The following UCHL5 variants were observed in gnomAD, a reference collection of about 807,000 sequenced individuals.
UCHL5 encodes the protein ubiquitin carboxyl-terminal hydrolase isozyme L5.
A neutral mutation model predicts 53.8 loss-of-function variants in UCHL5; 34 were observed. The observed-to-expected ratio is 0.63, with a 90% confidence interval of 0.48 to 0.84. The LOEUF (loss-of-function observed/expected upper bound fraction) is 0.84. Ranked by LOEUF, UCHL5 falls within the 40% of genes least tolerant of loss-of-function variation. The pLI is 0.00. For synonymous variants in UCHL5, 111 were observed against 126.3 expected (o/e 0.88, Z 0.81); for missense variants, 290 against 385.6 (o/e 0.75, Z 2.08).
intron 1 of UCHL5, among the ~76,000 whole-genome samples, chr1:193,055,780 A>C (rs1486331967): frequency 6.6e-6 from 1 of 152,230 alleles, no homozygotes; most frequent in African/African-American, 2.4e-5. Context: ...TACTAAATTC[A>C]ATTTGGTAAA....
At chr1:193,028,169 A>G in intron 6 of UCHL5, 21 bp from the exon 7 acceptor site, 1 of 1,551,306 alleles carries the variant, frequency 6.4e-7, no homozygotes, top group Non-Finnish European at 8.7e-7. Context: ...ATTTTAAAAC[A>G]GTTAACACAA....
At chr1:193,020,016 G>A (rs962392306) in intron 10 of UCHL5, 2 of 984,534 alleles carry the variant, frequency 2.0e-6, no homozygotes, top group Non-Finnish European at 2.4e-6. Flanking sequence ...GAGAACCACA[G>A]GACCCTGTAT....
At chr1:193,027,998 C>T (rs1362653171) in intron 7 of UCHL5, 87 bp downstream of exon 7, 47 of 1,569,074 alleles carry the variant, frequency 3.0e-5, no homozygotes, top group Non-Finnish European at 3.8e-5. Flanking sequence ...ATGTTCAATG[C>T]ACACTGCTAA....
intron 7 of UCHL5, among the ~76,000 whole-genome samples, chr1:193,024,244 A>G (rs1476268004): frequency 6.9e-6 from 1 of 144,094 alleles, no homozygotes; most frequent in South Asian, 2.2e-4. Flanking sequence ...CCTGTCTCTT[A>G]AAAAAAAAAA....
At position 193,051,771 on chromosome 1, in the gene UCHL5, C is replaced by T. The variant is rs747968028; in HGVS notation, c.123G>A (p.Glu41=). The part of the protein sequence containing the change: ...QVEEIWSLEP[E]NFEKLKPVHG... ...ATACTTACTTTAATTTTTCAAAATT[C>T]TCAGGCTCTAAACTCCATATTTCTT... The change falls in exon 2 of 11, where the codon GAG becomes GAA. Residue 41 remains glutamate (E), a synonymous_variant. Transcript: ENST00000367454. 2.5e-6 allele frequency: 4 copies of T among 1,593,802 alleles called. No homozygotes were observed. Among genetic ancestry groups the T allele is most frequent in the African/African-American group, 2.7e-5 (2 of 73,894 alleles).
chr1:193,031,171 T>C (rs1401653950), intron 3 of UCHL5, among the ~76,000 whole-genome samples: 1 of 152,178 alleles, frequency 6.6e-6, no homozygotes, highest in Non-Finnish European at 1.5e-5. Flanking sequence ...TAAAACACTG[T>C]AACACTTAGT....
chr1:193,045,222 A>G lies in UCHL5; in HGVS notation c.246+4524T>C, dbSNP rs200197875. Among the ~76,000 whole-genome samples the G allele has an allele frequency of 2.0e-4, 30 of 152,334 alleles. No homozygotes were observed. The East Asian group carries it at 5.6e-3, about 28-fold the overall frequency. On this transcript the variant is annotated intron_variant, in intron 3 of 10. Coordinates refer to ENST00000367454, the MANE Select transcript of UCHL5 (RefSeq NM_001199261.3). ...CGTACCAAGGACTGAATATAAAAAC[A>G]AAATCCCTAACTCCCAGGTTTACAG...
At chr1:193,058,602 G>C (rs1368963010) in intron 1 of UCHL5, among the ~76,000 whole-genome samples, 2 of 152,274 alleles carry the variant, frequency 1.3e-5, no homozygotes, top group Non-Finnish European at 2.9e-5. Context: ...AGCCAGAAAT[G>C]AGCAGAGAGC....
chr1:193,055,224 C>A (rs918876552), intron 1 of UCHL5, among the ~76,000 whole-genome samples: 36 of 152,020 alleles, frequency 2.4e-4, no homozygotes, highest in African/African-American at 8.5e-4. Context: ...ACTTGGAAGA[C>A]AGAGACAGCA....
Position 193,059,291 on chromosome 1 carries a change from T to G in UCHL5, c.-31A>C. 6.2e-7 allele frequency: 1 copy of G among 1,612,582 alleles called. No individual in the cohort carries two copies. The highest frequency in any genetic ancestry group is 1.1e-5 in the South Asian group (1 of 90,880). ...TGGCCACACACCGCCCCGATCCACC[T>G]CTCGCTCTCAGCTGCCCCCCGCACC... is the stretch of plus-strand genomic sequence containing the variant. On this transcript the variant is annotated 5_prime_UTR_variant, in exon 1 of 11. Transcript: ENST00000367454. The surrounding 1 kb of genome is among the most constrained non-coding windows in gnomAD (Gnocchi z 4.9).
At position 193,023,865 on chromosome 1, in the gene UCHL5, C is replaced by T; in HGVS notation, c.711G>A (p.Glu237=). Residue 237 remains glutamate, a synonymous_variant, in exon 8 of 11, where the codon GAG becomes GAA. Coordinates refer to ENST00000367454, the MANE Select transcript of UCHL5 (RefSeq NM_001199261.3). The stretch of plus-strand genomic sequence containing the variant: ...GAACCTCTGCAAGTTGTCTTTGTAA[C>T]TCTGCTATCTTCTGCTCATATATCA... ...RKMIYEQKIA[E]LQRQLAEEPM... is the part of the protein sequence containing the mutation. 2 of 1,612,482 alleles carry T rather than the reference C, an allele frequency of 1.2e-6. No individual in the cohort carries two copies. The highest frequency in any genetic ancestry group is 1.3e-5 in the African/African-American group (1 of 74,932).
At chr1:193,022,689 A>G (rs892011100) in intron 9 of UCHL5, among the ~76,000 whole-genome samples, 1 of 151,890 alleles carries the variant, frequency 6.6e-6, no homozygotes, top group African/African-American at 2.4e-5. Context: ...AAAAGGAATA[A>G]TAACTACAGT....
At chr1:193,018,657 C>A in intron 10 of UCHL5, 1 of 1,262,444 alleles carries the variant, frequency 7.9e-7, no homozygotes, top group South Asian at 3.2e-5. Flanking sequence ...GATTTTAGGT[C>A]AAATACTTTT....
At position 193,029,261 on chromosome 1, in the gene UCHL5, A is replaced by G. The variant is rs548736864; in HGVS notation, c.483T>C (p.Asp161=). The G allele has an allele frequency of 1.1e-5, 18 of 1,613,916 alleles. No individual in the cohort carries two copies. In the East Asian group the frequency reaches 3.8e-4, roughly 34 times the overall value. ...GAACATAACTGACAAAGTGAAAAGC[A>G]TCTTCTTCTTTTGCTGATGTCTTCG... is the stretch of plus-strand genomic sequence containing the variant. ...FDTKTSAKEE[D]AFHFVSYVPV... is the part of the protein sequence containing the mutation. The change falls in exon 6 of 11, where the codon GAT becomes GAC. Residue 161 remains aspartate (D), a synonymous_variant. Transcript: ENST00000367454.
Position 193,013,228 on chromosome 1 carries a change from T to C in UCHL5, c.*3123A>G, listed in dbSNP as rs1654410441. The C allele has an allele frequency of 1.3e-5, 2 of 152,220 alleles. No homozygotes were observed. Among genetic ancestry groups the C allele is most frequent in the Admixed American group, 6.5e-5 (1 of 15,282 alleles). 9.4% of individuals were successfully genotyped at this position (152,220 alleles called of 1,614,324 possible). On this transcript the variant is annotated 3_prime_UTR_variant, in exon 11 of 11. Coordinates refer to ENST00000367454, the MANE Select transcript of UCHL5 (RefSeq NM_001199261.3). ...GTGAACTCCCTGACTGTTGCAAAAG[T>C]GAGCAGTTCCCTAGGTACACCAATA...
intron 3 of UCHL5, among the ~76,000 whole-genome samples, chr1:193,032,853 C>T (rs544224046): frequency 4.6e-5 from 7 of 152,164 alleles, no homozygotes; most frequent in Non-Finnish European, 8.8e-5. Context: ...GTTAGAATGG[C>T]GATCATTAAA....
chr1:193,022,858 T>C (rs1571490845), intron 9 of UCHL5, 68 bp downstream of exon 9: 5 of 1,099,948 alleles, frequency 4.5e-6, no homozygotes, highest in South Asian at 2.6e-5. Context: ...AGATATTCAA[T>C]GTACCTTCAT....
chr1:193,046,131 A>G (rs948609367), intron 3 of UCHL5, among the ~76,000 whole-genome samples: 2 of 152,012 alleles, frequency 1.3e-5, no homozygotes. Context: ...TCCTGGGCTC[A>G]GGCAATCCTC....
At chr1:193,017,539 A>G (rs1229103306) in intron 10 of UCHL5, among the ~76,000 whole-genome samples, 2 of 151,624 alleles carry the variant, frequency 1.3e-5, no homozygotes, top group Non-Finnish European at 3.0e-5. Context: ...CGCATCTCAT[A>G]CAAAGTTTTC....
Sources: allele counts gnomAD v4.1 joint callset (sites outside exome capture counted in the v4.1 genomes callset), GRCh38; gene constraint gnomAD v4.1.1; non-coding constraint Gnocchi (gnomAD v3.1); transcripts MANE v1.5; gene names NCBI Gene and HGNC (gene_info 2026-07-23, HGNC 2026-07-21).